The following MYH11 variants were observed in gnomAD, a reference collection of about 807,000 sequenced individuals.
The protein encoded by MYH11 is myosin heavy chain 11, also known as myosin-11.
Under a neutral mutation model 246.6 loss-of-function variants are expected in MYH11, and 80 were observed. The ratio of observed to expected loss-of-function variants is 0.32; its 90% CI spans 0.27 to 0.39. MYH11 has a LOEUF of 0.39. Ranked by LOEUF, MYH11 falls within the 10% of genes least tolerant of loss-of-function variation. MYH11 has a pLI of 1.00. For missense variants in MYH11, 2,158 were observed against 2,546.8 expected, an observed-to-expected ratio of 0.85 and a Z score of 3.29; for synonymous variants, 1,071 against 1,015.5, an observed-to-expected ratio of 1.05 and a Z score of -1.04.
Position 15,754,983 on chromosome 16 carries a change from A to G in MYH11, c.1749+1358T>C, listed in dbSNP as rs75327055. ...GAGCCACCACACCCAGCCAAGTCAT[A>G]CAGTCTTTGTCGCAGCTACTCAACT... On this transcript the variant is annotated intron_variant, in intron 14 of 40. Transcript: ENST00000300036. 0.014 allele frequency among the ~76,000 whole-genome samples: 2,197 copies of G among 152,304 alleles called. 74 individuals are homozygous for G. The East Asian group carries it at 0.16, about 11-fold the overall frequency.
intron 14 of MYH11, among the ~76,000 whole-genome samples, chr16:15,754,570 C>A (rs2041662534): frequency 6.6e-6 from 1 of 152,034 alleles, no homozygotes; most frequent in Non-Finnish European, 1.5e-5. Flanking sequence ...GAACATATAC[C>A]CCCTTGAATA....
intron 4 of MYH11, 31 bp downstream of exon 4, chr16:15,798,629 A>C (rs879058803): frequency 1.3e-5 from 21 of 1,575,338 alleles, no homozygotes; most frequent in East Asian, 1.1e-4. Context: ...AAAAACAAAA[A>C]AAAAACAGAA....
At chr16:15,842,350 A>G (rs1462795276) in intron 1 of MYH11, among the ~76,000 whole-genome samples, 2 of 151,342 alleles carry the variant, frequency 1.3e-5, no homozygotes, top group Non-Finnish European at 2.9e-5. Context: ...TGTGCCTCTC[A>G]CCGCACTCCA....
intron 1 of MYH11, among the ~76,000 whole-genome samples, chr16:15,845,760 C>T (rs1018987506): frequency 6.6e-6 from 1 of 151,374 alleles, no homozygotes; most frequent in Non-Finnish European, 1.5e-5. Flanking sequence ...CTGGAGGATG[C>T]GTAAGAGAAA....
intron 28 of MYH11, 156 bp from the exon 29 acceptor site, chr16:15,725,148 AACACACAC>A (rs34909724): frequency 6.6e-6 from 4 of 608,130 alleles, no homozygotes; most frequent in Non-Finnish European, 1.1e-5. Context: ...AAAAAAAAAA[AACACACAC>A]ACACACAAAA....
At chr16:15,715,494 A>C (rs2040077095) in intron 38 of MYH11, among the ~76,000 whole-genome samples, 2 of 152,254 alleles carry the variant, frequency 1.3e-5, no homozygotes, top group Non-Finnish European at 2.9e-5. Flanking sequence ...AAGTGAAAGA[A>C]GACACATAGC....
chr16:15,714,622 A>G, intron 40 of MYH11: 1 of 554,338 alleles, frequency 1.8e-6, no homozygotes. Flanking sequence ...GCTGGAGGAG[A>G]CAGTGGGGAT....
Position 15,703,690 on chromosome 16 carries a change from G to A in MYH11, c.*301C>T. 2.2e-6 allele frequency: 1 copy of A among 457,108 alleles called. No homozygotes were observed. Among genetic ancestry groups the A allele is most frequent in the South Asian group, 2.1e-5 (1 of 47,374 alleles). The allele number at this position is 457,108 out of a possible 1,614,324, so 28.3% of individuals were successfully genotyped here. ...TGCAGCCTCGAAGTCCTGGGCTGGA[G>A]CGTTCTTCCTGGCTCAGCCTCCCTA... On this transcript the variant is annotated 3_prime_UTR_variant, in exon 41 of 41. Coordinates refer to ENST00000300036, the MANE Select transcript of MYH11 (RefSeq NM_002474.3).
intron 2 of MYH11, among the ~76,000 whole-genome samples, chr16:15,832,433 G>A (rs1242995998): frequency 6.6e-6 from 1 of 152,084 alleles, no homozygotes; most frequent in Non-Finnish European, 1.5e-5. Context: ...ACGGTCAATG[G>A]TTACCATGGC....
chr16:15,736,832 T>G (rs1334141074), intron 25 of MYH11, among the ~76,000 whole-genome samples: 1 of 152,132 alleles, frequency 6.6e-6, no homozygotes, highest in Admixed American at 6.6e-5. Context: ...AAGGTATTGC[T>G]TGAAAAGAAC....
intron 9 of MYH11, among the ~76,000 whole-genome samples, chr16:15,766,631 C>A (rs1381829114): frequency 6.6e-6 from 1 of 152,132 alleles, no homozygotes; most frequent in Non-Finnish European, 1.5e-5. Flanking sequence ...CTTGGCCTCC[C>A]ATAGGGTTGG....
rs771297865 is a variant in MYH11, at chr16:15,737,617, C to T, written c.3125G>A (p.Arg1042Gln). The change falls in exon 25 of 41, where the codon CGG (arginine) becomes CAG (glutamine). Residue 1042 changes from arginine (R) to glutamine (Q), a missense_variant. Coordinates refer to ENST00000300036, the MANE Select transcript of MYH11 (RefSeq NM_002474.3). ...HESMISELEV[R>Q]LKKEEKSRQE... Reference sequence around the variant, plus strand: ...TCGGCTCTTCTCTTCCTTCTTTAGCCGCACTGCAAAAACCAAGGTGCTCTT... The same window carrying T: ...TCGGCTCTTCTCTTCCTTCTTTAGCTGCACTGCAAAAACCAAGGTGCTCTT... 22 of 1,612,036 alleles carry T rather than the reference C, an allele frequency of 1.4e-5. No individual in the cohort carries two copies. The highest frequency in any genetic ancestry group is 2.7e-5 in the African/African-American group (2 of 74,900).
At chr16:15,763,692 A>G in intron 10 of MYH11, 104 bp downstream of exon 10, 1 of 994,308 alleles carries the variant, frequency 1.0e-6, no homozygotes, top group South Asian at 1.3e-5. Flanking sequence ...CTGTTGTTAA[A>G]ATCCCAGATA....
At chr16:15,801,385 G>C (rs2042880670) in intron 3 of MYH11, among the ~76,000 whole-genome samples, 1 of 152,112 alleles carries the variant, frequency 6.6e-6, no homozygotes, top group African/African-American at 2.4e-5. Context: ...GTAGGATGCA[G>C]TGGTTCATGC....
At chr16:15,848,399 A>ATTTTTT (rs1350011552) in intron 1 of MYH11, among the ~76,000 whole-genome samples, 8 of 151,886 alleles carry the variant, frequency 5.3e-5, no homozygotes, top group Middle Eastern at 3.4e-3. Flanking sequence ...ATGCCTGGCT[A>ATTTTTT]ATTTTTGTAT....
intron 3 of MYH11, among the ~76,000 whole-genome samples, chr16:15,802,497 GGTGTACAGTGGC>G (rs1218908808): frequency 2.6e-5 from 4 of 152,182 alleles, no homozygotes; most frequent in Non-Finnish European, 5.9e-5. Context: ...CGCCCAGGTG[GGTGTACAGTGGC>G]GTGATCTCAG....
intron 12 of MYH11, 27 bp from the exon 13 acceptor site, chr16:15,758,027 G>A (rs775577502): frequency 1.6e-5 from 26 of 1,612,572 alleles, no homozygotes; most frequent in Admixed American, 1.5e-4. Context: ...GGGGCGGGGC[G>A]TGAGCATCTT....
chr16:15,725,616 T>A (rs922120010), intron 28 of MYH11: 3 of 403,954 alleles, frequency 7.4e-6, no homozygotes, highest in African/African-American at 6.2e-5. Context: ...ATATGAATGA[T>A]CTTGACACTG....
chr16:15,799,675 C>T (rs562374707), intron 3 of MYH11, among the ~76,000 whole-genome samples: 1 of 152,222 alleles, frequency 6.6e-6, no homozygotes, highest in South Asian at 2.1e-4. Context: ...AGAACAGTTA[C>T]CAATACGTTC....
Sources: gnomAD v4.1 joint callset for allele counts (sites outside exome capture counted in the v4.1 genomes callset) on GRCh38, gnomAD v4.1.1 for gene constraint, MANE v1.5 for transcripts, NCBI Gene and HGNC (gene_info 2026-07-23, HGNC 2026-07-21) for gene names.